DESI2: variants seen among roughly 807,000 people sequenced by gnomAD.
DESI2 encodes the protein deubiquitinase DESI2.
Under a neutral mutation model 24.1 loss-of-function variants are expected in DESI2, and 10 were observed. The ratio of observed to expected loss-of-function variants is 0.41; its 90% CI spans 0.26 to 0.70. DESI2 has a LOEUF of 0.70. Ranked by LOEUF, DESI2 falls within the 30% of genes least tolerant of loss-of-function variation. DESI2 has a pLI of 0.29. For synonymous variants in DESI2, 71 were observed against 87.7 expected, an observed-to-expected ratio of 0.81 and a Z score of 1.06; for missense variants, 122 against 234.9, an observed-to-expected ratio of 0.52 and a Z score of 3.14.
chr1:244,681,738 G>T (rs1375489819), intron 1 of DESI2, among the ~76,000 whole-genome samples: 1 of 152,158 alleles, frequency 6.6e-6, no homozygotes, highest in Non-Finnish European at 1.5e-5. Context: ...CTCAGTAAGG[G>T]TATATAGACA....
At chr1:244,681,263 T>A (rs1676602620) in intron 1 of DESI2, among the ~76,000 whole-genome samples, 2 of 152,196 alleles carry the variant, frequency 1.3e-5, no homozygotes, top group Non-Finnish European at 1.5e-5. Flanking sequence ...GGTAATAATA[T>A]ATATTCTTTA....
chr1:244,685,204 T>C (rs1329065982), intron 1 of DESI2, among the ~76,000 whole-genome samples: 1 of 152,202 alleles, frequency 6.6e-6, no homozygotes, highest in African/African-American at 2.4e-5. Context: ...CTGTAAATTC[T>C]AGGATTTTAC....
At chr1:244,705,475 C>T in intron 4 of DESI2, 81 bp from the exon 5 acceptor site, 1 of 1,236,126 alleles carries the variant, frequency 8.1e-7, no homozygotes, top group Admixed American at 1.7e-5. Context: ...CCGCCCCCCT[C>T]CTCCCACCCT....
chr1:244,693,416 G>C (rs987479934), intron 4 of DESI2, among the ~76,000 whole-genome samples: 8 of 150,776 alleles, frequency 5.3e-5, no homozygotes, highest in Non-Finnish European at 1.0e-4. Context: ...TTCCCCATAT[G>C]AGTGCTGAAT....
chr1:244,665,735 A>C (rs1410042260), intron 1 of DESI2, among the ~76,000 whole-genome samples: 1 of 152,226 alleles, frequency 6.6e-6, no homozygotes, highest in South Asian at 2.1e-4. Context: ...GGAAGAACGA[A>C]TTTTGGCTCC....
In DESI2 at chr1:244,661,804, T is replaced by C. The variant is rs189814908; in HGVS notation, c.42+8449T>C. On this transcript the variant is annotated intron_variant, in intron 1 of 4. Transcript: ENST00000302550. The stretch of plus-strand genomic sequence containing the variant: ...TGTGCCACATTTTCTTAATCCAGTC[T>C]ATCATTGATGGACATTTGGGTTGGT... 3.9e-3 allele frequency among the ~76,000 whole-genome samples: 601 copies of C among 152,348 alleles called. 3 individuals are homozygous for C. The highest frequency in any genetic ancestry group is 0.014 in the African/African-American group (569 of 41,566).
chr1:244,699,766 C>T (rs1163632561), intron 4 of DESI2, among the ~76,000 whole-genome samples: 1 of 152,122 alleles, frequency 6.6e-6, no homozygotes, highest in East Asian at 1.9e-4. Flanking sequence ...ACCCTGGCAC[C>T]TAGGGAATCT....
intron 1 of DESI2, among the ~76,000 whole-genome samples, chr1:244,684,739 T>A (rs1196657366): frequency 6.6e-6 from 1 of 152,228 alleles, no homozygotes; most frequent in Admixed American, 6.5e-5. Context: ...ACAACTACAG[T>A]TAATATCCTG....
intron 3 of DESI2, among the ~76,000 whole-genome samples, chr1:244,690,430 G>A (rs1676983159): frequency 6.6e-6 from 1 of 152,178 alleles, no homozygotes. Flanking sequence ...TTAGGGCCGG[G>A]TGCAGTGGCT....
intron 1 of DESI2, among the ~76,000 whole-genome samples, chr1:244,663,206 C>T (rs1191767571): frequency 6.6e-6 from 1 of 151,110 alleles, no homozygotes; most frequent in Admixed American, 6.6e-5. Flanking sequence ...TTTTTTTTGA[C>T]ATGGAGTCTC....
At chr1:244,668,271 G>A (rs954318303) in intron 1 of DESI2, among the ~76,000 whole-genome samples, 1 of 152,114 alleles carries the variant, frequency 6.6e-6, no homozygotes, top group Admixed American at 6.5e-5. Context: ...ATACAATTTA[G>A]GGGGGTCTTT....
Position 244,705,814 on chromosome 1 carries a change from A to G in DESI2, c.*25A>G, listed in dbSNP as rs1677674815. 6.5e-7 allele frequency: 1 copy of G among 1,540,670 alleles called. No individual in the cohort carries two copies. ...AATGTCTCCAAAGTCACACATTCAGAACTGTCTCTGGCAGTCGAATATCAC... is the reference window on the plus strand; with the variant it reads ...AATGTCTCCAAAGTCACACATTCAGGACTGTCTCTGGCAGTCGAATATCAC... On this transcript the variant is annotated 3_prime_UTR_variant, in exon 5 of 5. Transcript: ENST00000302550.
chr1:244,702,516 AAAATAAATAAAT>A (rs373155154), intron 4 of DESI2, among the ~76,000 whole-genome samples: 2 of 152,074 alleles, frequency 1.3e-5, no homozygotes, highest in African/African-American at 2.4e-5. Context: ...TCCATCTCAA[AAAATAAATAAAT>A]AAATAAATAA....
At chr1:244,661,968 C>A (rs965167691) in intron 1 of DESI2, among the ~76,000 whole-genome samples, 1 of 152,172 alleles carries the variant, frequency 6.6e-6, no homozygotes, top group African/African-American at 2.4e-5. Flanking sequence ...AGTTCTAGAT[C>A]CCTGAGGAAT....
chr1:244,663,800 T>C (rs563885260), intron 1 of DESI2, among the ~76,000 whole-genome samples: 86 of 151,538 alleles, frequency 5.7e-4, no homozygotes, highest in South Asian at 1.7e-3. Flanking sequence ...GGACGGATCA[T>C]GAGGTCAGGA....
chr1:244,674,362 A>C (rs1676346288), intron 1 of DESI2, among the ~76,000 whole-genome samples: 1 of 150,466 alleles, frequency 6.6e-6, no homozygotes, highest in South Asian at 2.1e-4. Context: ...CTGTTCATAT[A>C]CTAGATGAAC....
intron 1 of DESI2, among the ~76,000 whole-genome samples, chr1:244,654,657 G>A (rs1485960516): frequency 6.6e-6 from 1 of 152,194 alleles, no homozygotes; most frequent in African/African-American, 2.4e-5. Flanking sequence ...AAAGATCCTA[G>A]AAAACCATGG....
At chr1:244,693,960 CGAA>C (rs766309082) in intron 4 of DESI2, among the ~76,000 whole-genome samples, 10 of 152,154 alleles carry the variant, frequency 6.6e-5, no homozygotes, top group Non-Finnish European at 1.5e-4. Flanking sequence ...TCCCATATAA[CGAA>C]GACAAGCAAA....
intron 1 of DESI2, among the ~76,000 whole-genome samples, chr1:244,679,210 CT>C (rs547766054): frequency 1.2e-3 from 184 of 151,964 alleles, no homozygotes; most frequent in African/African-American, 4.2e-3. Context: ...TTCCAGCTAA[CT>C]TTTTGTATTT....
Sources: allele counts gnomAD v4.1 joint callset (sites outside exome capture counted in the v4.1 genomes callset), GRCh38; gene constraint gnomAD v4.1.1; transcripts MANE v1.5; gene names NCBI Gene and HGNC (gene_info 2026-07-23, HGNC 2026-07-21).